Variants in SREK1IP1 observed in about 807,000 individuals in gnomAD.
SREK1IP1 encodes protein SREK1IP1.
A neutral mutation model predicts 22.8 loss-of-function variants in SREK1IP1; 12 were observed. The observed-to-expected ratio is 0.53, with a 90% confidence interval of 0.34 to 0.85. SREK1IP1 has a LOEUF of 0.85. Among genes scored for constraint, SREK1IP1 ranks in the 40% least tolerant of loss-of-function variants. The pLI, the probability that SREK1IP1 is intolerant of heterozygous loss-of-function variation, is 0.02. For synonymous variants in SREK1IP1, 53 were observed against 52.7 expected, an observed-to-expected ratio of 1.01 and a Z score of -0.02; for missense variants, 147 against 171.8, an observed-to-expected ratio of 0.86 and a Z score of 0.81.
At chr5:64,766,492 T>C (rs2112121476) in intron 1 of SREK1IP1, among the ~76,000 whole-genome samples, 1 of 152,192 alleles carries the variant, frequency 6.6e-6, no homozygotes, top group South Asian at 2.1e-4. Flanking sequence ...CCACACATCA[T>C]TATAACTCAC....
intron 3 of SREK1IP1, among the ~76,000 whole-genome samples, chr5:64,739,880 AC>A (rs2112096033): frequency 6.6e-6 from 1 of 152,152 alleles, no homozygotes; most frequent in East Asian, 1.9e-4. Context: ...CCTTAACTGG[AC>A]ATAATATGGA....
In SREK1IP1 at chr5:64,768,660, G is replaced by C. The variant is rs1186030627; in HGVS notation, c.-143C>G. The C allele has an allele frequency of 8.7e-7, 1 of 1,149,002 alleles. No homozygotes were observed. The highest frequency in any genetic ancestry group is 1.3e-6 in the Non-Finnish European group (1 of 783,746). The allele number at this position is 1,149,002 out of a possible 1,614,324, so 71.2% of individuals were successfully genotyped here. A position where few individuals can be genotyped will look rare whatever the true frequency, so the allele number is the denominator to read the frequency against. ...CCCTCGCTACGGTCGGGAAGGGCCT[G>C]TACGCCTCTAGCGACGGCAGAACCA... On this transcript the variant is annotated 5_prime_UTR_variant, in exon 1 of 5. Transcript: ENST00000513458.
At chr5:64,729,589 G>A (rs1243735735) in intron 3 of SREK1IP1, among the ~76,000 whole-genome samples, 1 of 152,222 alleles carries the variant, frequency 6.6e-6, no homozygotes, top group Admixed American at 6.5e-5. Context: ...CATTCTAAGT[G>A]AGACGGACTG....
intron 1 of SREK1IP1, among the ~76,000 whole-genome samples, chr5:64,757,543 T>C (rs1367427103): frequency 1.3e-5 from 2 of 152,304 alleles, no homozygotes; most frequent in East Asian, 1.9e-4. Flanking sequence ...ATGCAGAACA[T>C]TGCATCCAGC....
At chr5:64,756,565 T>C (rs1320443771) in intron 1 of SREK1IP1, among the ~76,000 whole-genome samples, 1 of 152,228 alleles carries the variant, frequency 6.6e-6, no homozygotes, top group Admixed American at 6.5e-5. Flanking sequence ...TATCCTCCAA[T>C]AGTGGCTTCA....
chr5:64,742,698 A>G (rs775243661), intron 2 of SREK1IP1, among the ~76,000 whole-genome samples: 37 of 152,190 alleles, frequency 2.4e-4, no homozygotes, highest in Admixed American at 3.9e-4. Flanking sequence ...CAGCCCATAA[A>G]AAATAGAAGT....
intron 1 of SREK1IP1, among the ~76,000 whole-genome samples, chr5:64,755,534 A>G (rs1742823036): frequency 6.6e-6 from 1 of 152,138 alleles, no homozygotes; most frequent in African/African-American, 2.4e-5. Context: ...TAAAGATGAC[A>G]ATAACAGATA....
Position 64,720,390 on chromosome 5 carries a change from C to A in SREK1IP1, c.*3994G>T. The A allele has an allele frequency of 6.6e-6, 1 of 152,020 alleles. No individual in the cohort carries two copies. Among genetic ancestry groups the A allele is most frequent in the East Asian group, 1.9e-4 (1 of 5,184 alleles). 9.4% of individuals were successfully genotyped at this position (152,020 alleles called of 1,614,324 possible). ...GTCTAATAATAGAGCCTAAAATAAT[C>A]AAATTATATTTTATGTAGCCTTCTA... is the stretch of plus-strand genomic sequence containing the variant. On this transcript the variant is annotated 3_prime_UTR_variant, in exon 5 of 5. Coordinates refer to ENST00000513458, the MANE Select transcript of SREK1IP1 (RefSeq NM_173829.4).
At chr5:64,724,648 C>T (rs1322478542) in intron 4 of SREK1IP1, 75 bp from the exon 5 acceptor site, 3 of 1,184,378 alleles carry the variant, frequency 2.5e-6, no homozygotes, top group Non-Finnish European at 3.4e-6. Flanking sequence ...ATTTGAACTG[C>T]CTTAAATTCT....
intron 2 of SREK1IP1, among the ~76,000 whole-genome samples, chr5:64,744,891 T>G (rs1430355183): frequency 4.6e-5 from 7 of 152,214 alleles, no homozygotes; most frequent in African/African-American, 1.7e-4. Context: ...TTCTTCTAAT[T>G]ATCTTATGGG....
chr5:64,728,268 G>A (rs1742312004), intron 3 of SREK1IP1, 89 bp from the exon 4 acceptor site: 4 of 1,128,348 alleles, frequency 3.5e-6, no homozygotes, highest in Non-Finnish European at 3.4e-6. Context: ...AATTTTAGCT[G>A]TTGGTGAATT....
At chr5:64,764,056 A>C (rs1742995309) in intron 1 of SREK1IP1, among the ~76,000 whole-genome samples, 1 of 152,196 alleles carries the variant, frequency 6.6e-6, no homozygotes, top group Admixed American at 6.5e-5. Flanking sequence ...TAGTATTTTC[A>C]TGTATTGCTT....
At chr5:64,740,291 T>C (rs898592933) in intron 3 of SREK1IP1, among the ~76,000 whole-genome samples, 13 of 152,086 alleles carry the variant, frequency 8.5e-5, no homozygotes, top group African/African-American at 3.1e-4. Flanking sequence ...CTGTTAGCCA[T>C]AGAACCCCTA....
intron 1 of SREK1IP1, among the ~76,000 whole-genome samples, chr5:64,755,852 TAC>T (rs1383949640): frequency 6.6e-6 from 1 of 151,908 alleles, no homozygotes; most frequent in Non-Finnish European, 1.5e-5. Flanking sequence ...TGTATATATA[TAC>T]ACACACATAC....
intron 3 of SREK1IP1, among the ~76,000 whole-genome samples, chr5:64,735,527 A>G (rs1031695216): frequency 3.9e-5 from 6 of 152,148 alleles, no homozygotes; most frequent in African/African-American, 1.4e-4. Context: ...TTTAAACTAA[A>G]CATTTAACTT....
intron 4 of SREK1IP1, chr5:64,727,553 A>ATATATATATATATATATATATATATAT: frequency 1.2e-5 from 1 of 84,682 alleles, no homozygotes; most frequent in African/African-American, 5.5e-5. Flanking sequence ...ATATATATAT[A>ATATATATATATATATATATATATATAT]TTTTTTTTTT....
At chr5:64,736,814 GA>G (rs151200156) in intron 3 of SREK1IP1, among the ~76,000 whole-genome samples, 23,992 of 150,834 alleles carry the variant, frequency 0.16, 2,493 homozygotes, top group Non-Finnish European at 0.23. Context: ...TTATCATTAG[GA>G]AAAAAAACCT....
At chr5:64,750,498 T>A (rs1208949622) in intron 2 of SREK1IP1, among the ~76,000 whole-genome samples, 1 of 152,058 alleles carries the variant, frequency 6.6e-6, no homozygotes. Context: ...CCTCACAGAG[T>A]AGTCAGGCAA....
chr5:64,730,397 G>A (rs1422116731), intron 3 of SREK1IP1, among the ~76,000 whole-genome samples: 1 of 152,086 alleles, frequency 6.6e-6, no homozygotes, highest in African/African-American at 2.4e-5. Flanking sequence ...TTAGCTACAG[G>A]GATGCAAAGG....
Sources: gnomAD v4.1 joint callset for allele counts (sites outside exome capture counted in the v4.1 genomes callset) on GRCh38, gnomAD v4.1.1 for gene constraint, MANE v1.5 for transcripts, NCBI Gene and HGNC (gene_info 2026-07-23, HGNC 2026-07-21) for gene names.